Variants in SLC6A20 observed in about 807,000 individuals in gnomAD.
SLC6A20 encodes the protein solute carrier family 6 member 20, also known as sodium- and chloride-dependent transporter XTRP3.
A neutral mutation model predicts 64.3 loss-of-function variants in SLC6A20; 73 were observed. That is an observed-to-expected ratio of 1.14 (90% CI 0.94 to 1.38). SLC6A20 has a LOEUF of 1.38. Among genes scored for constraint, SLC6A20 ranks in the 40% most tolerant of loss-of-function variants. The pLI, the probability that SLC6A20 is intolerant of heterozygous loss-of-function variation, is 0.00. For synonymous variants in SLC6A20, 347 were observed against 329.6 expected (o/e 1.05, Z -0.57); for missense variants, 725 against 772.8 (o/e 0.94, Z 0.73).
chr3:45,790,338 G>A (rs1700228679), intron 1 of SLC6A20: 1 of 151,848 alleles, frequency 6.6e-6, no homozygotes, highest in African/African-American at 2.4e-5. Flanking sequence ...TTAATGTAAT[G>A]TTTAATGTAA....
At chr3:45,772,906 C>G (rs1420221245) in intron 4 of SLC6A20, among the ~76,000 whole-genome samples, 2 of 152,112 alleles carry the variant, frequency 1.3e-5, no homozygotes, top group Non-Finnish European at 2.9e-5. Context: ...TCAACCTGAC[C>G]TTATTCTGGA....
chr3:45,774,891 T>TAAG (rs1699937985), intron 4 of SLC6A20, among the ~76,000 whole-genome samples: 1 of 152,232 alleles, frequency 6.6e-6, no homozygotes, highest in Non-Finnish European at 1.5e-5. Flanking sequence ...TTTACCTCTC[T>TAAG]AAGCTTCAGG....
intron 4 of SLC6A20, among the ~76,000 whole-genome samples, chr3:45,774,544 G>T (rs180845632): frequency 3.9e-4 from 59 of 152,304 alleles, no homozygotes; most frequent in Middle Eastern, 3.4e-3. Context: ...GGACTTTGGG[G>T]GCTAAGAGGC....
chr3:45,772,665 A>C, intron 4 of SLC6A20, 50 bp from the exon 5 acceptor site: 1 of 1,460,802 alleles, frequency 6.8e-7, no homozygotes, highest in Non-Finnish European at 9.5e-7. Context: ...TGGGGTCCAC[A>C]GGACAGACCC....
At chr3:45,773,917 T>C (rs1378532399) in intron 4 of SLC6A20, among the ~76,000 whole-genome samples, 2 of 152,244 alleles carry the variant, frequency 1.3e-5, no homozygotes, top group East Asian at 3.8e-4. Context: ...GAGCACTCAC[T>C]CGTGACCAAC....
At chr3:45,773,875 A>C (rs750459845) in intron 4 of SLC6A20, among the ~76,000 whole-genome samples, 24 of 152,246 alleles carry the variant, frequency 1.6e-4, no homozygotes, top group Non-Finnish European at 3.4e-4. Flanking sequence ...ACCCAAGATT[A>C]TAAGAAACCA....
chr3:45,776,130 G>A (rs1559567470), intron 3 of SLC6A20, 142 bp from the exon 4 acceptor site: 1 of 746,760 alleles, frequency 1.3e-6, no homozygotes. Context: ...TGGAGCCCCT[G>A]AAGGCAGACT....
intron 1 of SLC6A20, chr3:45,790,166 A>G (rs1700226030): frequency 6.6e-6 from 1 of 152,126 alleles, no homozygotes; most frequent in South Asian, 2.1e-4. Flanking sequence ...TCAGGTGTCC[A>G]AACTCTTTCT....
intron 3 of SLC6A20, among the ~76,000 whole-genome samples, chr3:45,776,264 G>C (rs58760373): frequency 0.01 from 1,546 of 152,172 alleles, 31 homozygotes; most frequent in African/African-American, 0.034. Context: ...GTGGGTCCCA[G>C]AGACTGAATA....
At chr3:45,764,513 G>A (rs1431840414) in intron 8 of SLC6A20, among the ~76,000 whole-genome samples, 1 of 152,116 alleles carries the variant, frequency 6.6e-6, no homozygotes, top group Non-Finnish European at 1.5e-5. Context: ...GACCAGCCTG[G>A]CCAACACGGG....
Position 45,782,195 on chromosome 3 carries a change from C to A in SLC6A20, c.150G>T (p.Met50Ile). ...GGSFLVPYII[M>I]LIVEGMPLLY... ...AGAGCGGCATTCCCTCCACGATAAG[C>A]ATGATGATGTAGGGGACCAGGAAAC... The change falls in exon 2 of 11, where the codon ATG becomes ATT. Residue 50 changes from methionine (M) to isoleucine (I), a missense_variant. Met to Ile is a conservative substitution (Grantham distance 10). Transcript: ENST00000358525. The A allele has an allele frequency of 6.2e-7, 1 of 1,613,806 alleles. No individual in the cohort carries two copies. Among genetic ancestry groups the A allele is most frequent in the Non-Finnish European group, 8.5e-7 (1 of 1,179,826 alleles).
Position 45,758,796 on chromosome 3 carries a change from C to A in SLC6A20, c.*182G>T, listed in dbSNP as rs1025036720. ...GGCAGGTGACAGGGAGGAACAGCCA[C>A]CACGGGAGGGTGTGCGTTCTCCCAA... On this transcript the variant is annotated 3_prime_UTR_variant, in exon 11 of 11. Transcript: ENST00000358525. The A allele has an allele frequency of 3.5e-5, 47 of 1,350,704 alleles. No homozygotes were observed. The South Asian group carries it at 8.1e-4, about 23-fold the overall frequency. The allele number at this position is 1,350,704 out of a possible 1,614,324, so 83.7% of individuals were successfully genotyped here. A position where few individuals can be genotyped will look rare whatever the true frequency, so the allele number is the denominator to read the frequency against.
rs369047685 is a variant in SLC6A20 at position 45,779,970 on chromosome 3, C to T, written c.354+39G>A. On this transcript the variant is annotated intron_variant, in intron 3 of 10. Transcript: ENST00000358525. The stretch of plus-strand genomic sequence containing the variant: ...TGGCCCTGTTTTTCTCTCCCTTTCT[C>T]GCTCCTACTCCTGTTCTGGCACGGG... 142 of 1,559,162 alleles carry T rather than the reference C, an allele frequency of 9.1e-5. 1 individual carries two copies. Among genetic ancestry groups the T allele is most frequent in the East Asian group, 1.9e-4 (8 of 42,062 alleles).
At chr3:45,768,489 C>A (rs1699809297) in intron 7 of SLC6A20, among the ~76,000 whole-genome samples, 1 of 152,206 alleles carries the variant, frequency 6.6e-6, no homozygotes, top group Non-Finnish European at 1.5e-5. Context: ...AGTGCTGAAG[C>A]CAAAGGACCT....
In SLC6A20 at chr3:45,765,010, C is replaced by T. The variant is rs1223963585; in HGVS notation, c.1303+527G>A. Among the ~76,000 whole-genome samples the T allele has an allele frequency of 1.3e-5, 2 of 151,262 alleles. No homozygotes were observed. Among genetic ancestry groups the T allele is most frequent in the Non-Finnish European group, 2.9e-5 (2 of 67,806 alleles). On this transcript the variant is annotated intron_variant, in intron 8 of 10. Coordinates refer to ENST00000358525, the MANE Select transcript of SLC6A20 (RefSeq NM_020208.4). The surrounding 1 kb of genome is among the most constrained non-coding windows in gnomAD (Gnocchi z 4.2). ...GGCGAATCACCTGGGGTCAGGAGTT[C>T]GAGACCAGCCTGGCCAACATGGTGA...
chr3:45,763,209 G>T, intron 8 of SLC6A20, 137 bp from the exon 9 acceptor site: 1 of 1,308,738 alleles, frequency 7.6e-7, no homozygotes, highest in Non-Finnish European at 1.0e-6. Flanking sequence ...TGAAAGAGCT[G>T]TCATGGTTTG....
At chr3:45,761,429 T>G (rs1011070550) in intron 9 of SLC6A20, among the ~76,000 whole-genome samples, 1 of 152,192 alleles carries the variant, frequency 6.6e-6, no homozygotes, top group African/African-American at 2.4e-5. Context: ...AGCCCCTTTT[T>G]GATGGACTTG....
rs886058549 is a variant in SLC6A20, at chr3:45,796,518, G to T, written c.-99C>A. Reference sequence around the variant, plus strand: ...CGCCGTCCCACCCCGGCTCGGCTTGGGGGTGGCCCCGCGCCTCCGCCGCCG... The same window carrying T: ...CGCCGTCCCACCCCGGCTCGGCTTGTGGGTGGCCCCGCGCCTCCGCCGCCG... On this transcript the variant is annotated 5_prime_UTR_variant, in exon 1 of 11. Transcript: ENST00000358525. 1.6e-6 allele frequency: 2 copies of T among 1,266,858 alleles called. No individual in the cohort carries two copies. Among genetic ancestry groups the T allele is most frequent in the Non-Finnish European group, 1.0e-6 (1 of 979,644 alleles). 78.5% of individuals were successfully genotyped at this position (1,266,858 alleles called of 1,614,324 possible).
chr3:45,759,047 G>T lies in SLC6A20; in HGVS notation c.1710C>A (p.Ile570=), dbSNP rs772524286. 1 of 1,612,780 alleles carries T rather than the reference G, an allele frequency of 6.2e-7. No homozygotes were observed. Among genetic ancestry groups the T allele is most frequent in the African/African-American group, 1.3e-5 (1 of 74,934 alleles). ...CAAAAGTCCCCAGGGCCGCCAGGGG[G>T]ATGCACATGGTGGAGGAGGCCACAA... The part of the protein sequence containing the change: ...GLLVASSTMC[I]PLAALGTFVQ... Residue 570 remains isoleucine (I), a synonymous_variant, in exon 11 of 11, where the codon ATC becomes ATA. Coordinates refer to ENST00000358525, the MANE Select transcript of SLC6A20 (RefSeq NM_020208.4).
Sources: gnomAD v4.1 joint callset for allele counts (sites outside exome capture counted in the v4.1 genomes callset) on GRCh38, gnomAD v4.1.1 for gene constraint, Gnocchi (gnomAD v3.1) non-coding constraint, MANE v1.5 for transcripts, NCBI Gene and HGNC (gene_info 2026-07-23, HGNC 2026-07-21) for gene names.